PCDHA8: variants seen among roughly 807,000 people sequenced by gnomAD.
PCDHA8 encodes the protein protocadherin alpha 8, also known as protocadherin alpha-8.
A neutral mutation model predicts 61.8 loss-of-function variants in PCDHA8; 53 were observed. The ratio of observed to expected loss-of-function variants is 0.86; its 90% CI spans 0.69 to 1.08. The LOEUF (loss-of-function observed/expected upper bound fraction) is 1.08. PCDHA8 is among the 50% of genes least tolerant of loss of function. PCDHA8 has a pLI of 0.00. For synonymous variants in PCDHA8, 618 were observed against 556.6 expected (o/e 1.11, Z -1.55); for missense variants, 1,293 against 1,245.0 (o/e 1.04, Z -0.58).
rs190555934 is a variant in PCDHA8 at position 140,905,437 on chromosome 5, C to G, written c.2394+61722C>G. Among the ~76,000 whole-genome samples the G allele has an allele frequency of 2.8e-3, 421 of 152,248 alleles. 2 individuals carry two copies. The highest frequency in any genetic ancestry group is 0.014 in the Middle Eastern group (4 of 294). On this transcript the variant is annotated intron_variant, in intron 1 of 3. Coordinates refer to ENST00000531613, the MANE Select transcript of PCDHA8 (RefSeq NM_018911.3). ...TACCATGCTGGTTTGATAACTACAG[C>G]CTTTTAGTATAATTTAAAGTCAGGT...
At chr5:140,906,643 G>A (rs1049197869) in intron 1 of PCDHA8, among the ~76,000 whole-genome samples, 14 of 152,222 alleles carry the variant, frequency 9.2e-5, no homozygotes, top group South Asian at 4.1e-4. Context: ...TCAGCAGGTA[G>A]TGGTTTTTTC....
intron 1 of PCDHA8, among the ~76,000 whole-genome samples, chr5:140,920,911 G>C (rs1290667252): frequency 6.6e-6 from 1 of 150,718 alleles, no homozygotes; most frequent in African/African-American, 2.4e-5. Context: ...TCTCAAATCA[G>C]TTCCAAGAGT....
intron 1 of PCDHA8, chr5:140,967,271 A>T (rs1007708043): frequency 6.2e-7 from 1 of 1,613,338 alleles, no homozygotes; most frequent in African/African-American, 1.3e-5. Context: ...GCGCTTTCAC[A>T]TAGAGAGTGC....
intron 3 of PCDHA8, among the ~76,000 whole-genome samples, chr5:140,989,227 C>T (rs933142074): frequency 2.6e-5 from 4 of 152,162 alleles, no homozygotes; most frequent in African/African-American, 9.7e-5. Flanking sequence ...TTCTTTGTAG[C>T]TGAAGTTTTA....
At chr5:140,993,463 CACACACACACACACACACA>C (rs1563592092) in intron 3 of PCDHA8, among the ~76,000 whole-genome samples, 163 of 7,580 alleles carry the variant, frequency 0.022, 1 homozygote, top group African/African-American at 0.091. Context: ...CTTTCTTTCT[CACACACACACACACACACA>C]CACACACACA....
At chr5:140,929,113 A>G (rs1554206696) in intron 1 of PCDHA8, 5 of 1,614,154 alleles carry the variant, frequency 3.1e-6, no homozygotes, top group East Asian at 2.2e-5. Flanking sequence ...GACATCAGCC[A>G]CCATAGATGT....
chr5:141,006,224 T>A (rs1265190589), intron 3 of PCDHA8, among the ~76,000 whole-genome samples: 1 of 152,072 alleles, frequency 6.6e-6, no homozygotes, highest in African/African-American at 2.4e-5. Flanking sequence ...TTAAATTTTT[T>A]ATTTTTAGAT....
intron 1 of PCDHA8, among the ~76,000 whole-genome samples, chr5:140,945,740 C>A (rs966678098): frequency 5.9e-5 from 9 of 151,998 alleles, no homozygotes; most frequent in African/African-American, 2.2e-4. Flanking sequence ...AAAAGGACAG[C>A]CTCTTCAATA....
intron 1 of PCDHA8, among the ~76,000 whole-genome samples, chr5:140,940,999 A>C (rs2092715324): frequency 1.3e-5 from 2 of 152,264 alleles, no homozygotes; most frequent in Admixed American, 1.3e-4. Context: ...TATAGGATTA[A>C]ATTTTCCTTT....
chr5:141,001,936 C>A (rs1440677153), intron 3 of PCDHA8, among the ~76,000 whole-genome samples: 3 of 151,788 alleles, frequency 2.0e-5, no homozygotes, highest in Non-Finnish European at 2.9e-5. Context: ...GGGTGGTGAG[C>A]GGAAATAAGG....
chr5:140,995,334 T>C (rs2097677447), intron 3 of PCDHA8, among the ~76,000 whole-genome samples: 1 of 152,184 alleles, frequency 6.6e-6, no homozygotes, highest in Non-Finnish European at 1.5e-5. Context: ...GTGAGTAGTG[T>C]AGACGGCATG....
intron 1 of PCDHA8, chr5:140,876,058 C>A (rs781906188): frequency 1.2e-6 from 2 of 1,613,750 alleles, no homozygotes; most frequent in African/African-American, 1.3e-5. Flanking sequence ...TGAATTAGTT[C>A]TTCGGAAGTT....
intron 1 of PCDHA8, chr5:140,866,192 G>A (rs2049201997): frequency 6.6e-6 from 1 of 152,028 alleles, no homozygotes; most frequent in Non-Finnish European, 1.5e-5. Context: ...AGAAAACTGT[G>A]GTTTCCAATA....
chr5:140,913,117 GT>G (rs1393810466), intron 1 of PCDHA8, among the ~76,000 whole-genome samples: 23 of 152,262 alleles, frequency 1.5e-4, no homozygotes, highest in Admixed American at 5.2e-4. Flanking sequence ...CAGTTTGGAA[GT>G]TAACCCCTCC....
chr5:140,959,532 T>C (rs919329459), intron 1 of PCDHA8, among the ~76,000 whole-genome samples: 1 of 152,198 alleles, frequency 6.6e-6, no homozygotes, highest in Admixed American at 6.5e-5. Context: ...GACCATTAAT[T>C]CAGAGATGCT....
Position 140,954,691 on chromosome 5 carries a change from A to G in PCDHA8, c.2395-24258A>G, listed in dbSNP as rs561318179. Among the ~76,000 whole-genome samples the G allele has an allele frequency of 9.2e-5, 14 of 152,162 alleles. No homozygotes were observed. The East Asian group carries it at 2.5e-3, about 27-fold the overall frequency. ...TATTAGACTTTTGTCAGATGGATAG[A>G]CTACAAAATTTTTCTCCCATTCTGT... On this transcript the variant is annotated intron_variant, in intron 1 of 3. Coordinates refer to ENST00000531613, the MANE Select transcript of PCDHA8 (RefSeq NM_018911.3).
In PCDHA8 at chr5:140,875,548, G is replaced by A. The variant is rs782463775; in HGVS notation, c.2394+31833G>A. On this transcript the variant is annotated intron_variant, in intron 1 of 3. Coordinates refer to ENST00000531613, the MANE Select transcript of PCDHA8 (RefSeq NM_018911.3). ...GCTTCTGCTCCTTGCAGCCTGGGAG[G>A]TGGGGAGCGGCCAGCTCCACTACTC... 24 of 1,614,054 alleles carry A rather than the reference G, an allele frequency of 1.5e-5. 1 individual carries two copies. The Admixed American group carries it at 3.5e-4, about 24-fold the overall frequency.
intron 1 of PCDHA8, among the ~76,000 whole-genome samples, chr5:140,878,256 C>G (rs2057518420): frequency 6.6e-6 from 1 of 152,160 alleles, no homozygotes; most frequent in Admixed American, 6.5e-5. Flanking sequence ...TCCTCACGTG[C>G]TTAGGCTTTT....
chr5:140,857,501 G>T, intron 1 of PCDHA8: 1 of 1,598,358 alleles, frequency 6.3e-7, no homozygotes. Context: ...GGACGCGCAG[G>T]AGAACGCCCT....
Sources: allele counts gnomAD v4.1 joint callset (sites outside exome capture counted in the v4.1 genomes callset), GRCh38; gene constraint gnomAD v4.1.1; transcripts MANE v1.5; gene names NCBI Gene and HGNC (gene_info 2026-07-23, HGNC 2026-07-21).